Variants in ITCH observed in about 807,000 individuals in gnomAD.
The protein encoded by ITCH is E3 ubiquitin-protein ligase Itchy homolog.
ITCH carries 28 observed loss-of-function variants against 126.8 expected under a neutral mutation model. The observed-to-expected ratio is 0.22, with a 90% confidence interval of 0.16 to 0.30. The LOEUF is 0.30. Ranked by LOEUF, ITCH falls within the 10% of genes least tolerant of loss-of-function variation. ITCH has a pLI of 1.00. For missense variants in ITCH, 631 were observed against 1,032.4 expected, an observed-to-expected ratio of 0.61 and a Z score of 5.33; for synonymous variants, 342 against 340.0, an observed-to-expected ratio of 1.01 and a Z score of -0.06.
At chr20:34,407,740 A>G (rs1267935503) in intron 3 of ITCH, among the ~76,000 whole-genome samples, 1 of 151,928 alleles carries the variant, frequency 6.6e-6, no homozygotes, top group Non-Finnish European at 1.5e-5. Flanking sequence ...GCTCCTTGTC[A>G]TTTGGATGGT....
At chr20:34,400,455 C>T (rs1037431853) in intron 3 of ITCH, among the ~76,000 whole-genome samples, 2 of 151,948 alleles carry the variant, frequency 1.3e-5, no homozygotes, top group Non-Finnish European at 2.9e-5. Flanking sequence ...AGAGAGTACA[C>T]AAAACTTGCC....
In ITCH at chr20:34,502,035, G is replaced by A. The variant is rs565405587; in HGVS notation, c.2417-2296G>A. Among the ~76,000 whole-genome samples the A allele has an allele frequency of 3.4e-4, 52 of 152,110 alleles. No homozygotes were observed. In the South Asian group the frequency reaches 3.9e-3, roughly 12 times the overall value. On this transcript the variant is annotated intron_variant, in intron 23 of 24. Coordinates refer to ENST00000374864, the MANE Select transcript of ITCH (RefSeq NM_031483.7). ...AGGCTCTAACATGTAAAAAAGCCTC[G>A]GAGACCATAACATTTGAAAGGTGGC...
At chr20:34,492,116 A>C (rs943212012) in intron 22 of ITCH, among the ~76,000 whole-genome samples, 16 of 152,194 alleles carry the variant, frequency 1.1e-4, no homozygotes, top group African/African-American at 2.9e-4. Context: ...TATCCCTTTA[A>C]GTATATTGTC....
Position 34,467,721 on chromosome 20 carries a change from T to C in ITCH, c.1425-2327T>C, listed in dbSNP as rs1043941234. On this transcript the variant is annotated intron_variant, in intron 14 of 24. Coordinates refer to ENST00000374864, the MANE Select transcript of ITCH (RefSeq NM_031483.7). Reference sequence around the variant, plus strand: ...TTTTTTTGAGACGGAGTTTCACTCTTGTTGCCCAGGCTGGAGTGCAATAGC... The same window carrying C: ...TTTTTTTGAGACGGAGTTTCACTCTCGTTGCCCAGGCTGGAGTGCAATAGC... Among the ~76,000 whole-genome samples, 5 of 149,480 alleles carry C rather than the reference T, an allele frequency of 3.3e-5. No homozygotes were observed. The East Asian group carries it at 7.8e-4, about 23-fold the overall frequency.
chr20:34,375,043 ATTT>A (rs761979154), intron 2 of ITCH, among the ~76,000 whole-genome samples: 1 of 95,158 alleles, frequency 1.1e-5, no homozygotes. Context: ...GCCTGGCGTG[ATTT>A]TTTTTTTTTT....
chr20:34,436,363 A>G (rs561923439), intron 7 of ITCH, among the ~76,000 whole-genome samples: 13 of 152,304 alleles, frequency 8.5e-5, no homozygotes, highest in South Asian at 2.1e-4. Context: ...TTTTTGGTCT[A>G]TTCTACTCAT....
chr20:34,442,516 T>G (rs1291444563), intron 10 of ITCH, among the ~76,000 whole-genome samples: 1 of 152,170 alleles, frequency 6.6e-6, no homozygotes, highest in Non-Finnish European at 1.5e-5. Flanking sequence ...CATATTTCTT[T>G]CTTCTTTTCT....
intron 20 of ITCH, among the ~76,000 whole-genome samples, chr20:34,484,531 T>C (rs1988977614): frequency 6.6e-6 from 1 of 152,264 alleles, no homozygotes. Flanking sequence ...ATATATAGCA[T>C]TCCAGAGAGG....
intron 23 of ITCH, among the ~76,000 whole-genome samples, chr20:34,493,937 G>A (rs1224626279): frequency 6.6e-6 from 1 of 152,200 alleles, no homozygotes; most frequent in Non-Finnish European, 1.5e-5. Context: ...TAAGACAGAA[G>A]GAGATAGCCT....
At position 34,379,800 on chromosome 20, in the gene ITCH, T is replaced by C. The variant is rs978549803; in HGVS notation, c.-22+10330T>C. On this transcript the variant is annotated intron_variant, in intron 2 of 24. Coordinates refer to ENST00000374864, the MANE Select transcript of ITCH (RefSeq NM_031483.7). Reference sequence around the variant, plus strand: ...TTTTAGTAGAGACAGGGTTTCACTGTGTTAGCCAGGATGGTCTCAATCTCC... The same window carrying C: ...TTTTAGTAGAGACAGGGTTTCACTGCGTTAGCCAGGATGGTCTCAATCTCC... Among the ~76,000 whole-genome samples the C allele has an allele frequency of 7.9e-5, 12 of 151,914 alleles. No individual in the cohort carries two copies. The East Asian group carries it at 2.3e-3, about 29-fold the overall frequency.
chr20:34,429,690 A>G (rs1055239247), intron 7 of ITCH, among the ~76,000 whole-genome samples: 1 of 152,200 alleles, frequency 6.6e-6, no homozygotes, highest in Non-Finnish European at 1.5e-5. Context: ...AGAATTTGCT[A>G]GAACTGTCAA....
intron 6 of ITCH, among the ~76,000 whole-genome samples, chr20:34,421,252 C>CTTCA (rs1980726433): frequency 6.6e-6 from 1 of 152,156 alleles, no homozygotes; most frequent in Non-Finnish European, 1.5e-5. Context: ...GTAGCTGGGA[C>CTTCA]TTCAGGTGCT....
chr20:34,390,513 C>T (rs949330368), intron 2 of ITCH, among the ~76,000 whole-genome samples: 10 of 141,558 alleles, frequency 7.1e-5, no homozygotes, highest in East Asian at 2.1e-4. Flanking sequence ...TGCAATGGCA[C>T]GATGTTGGTT....
Position 34,441,951 on chromosome 20 carries a change from G to T in ITCH, c.870-257G>T, listed in dbSNP as rs1205078233. 8 of 458,730 alleles carry T rather than the reference G, an allele frequency of 1.7e-5. No individual in the cohort carries two copies. In the East Asian group the frequency reaches 3.5e-4, roughly 20 times the overall value. 28.4% of individuals were successfully genotyped at this position (458,730 alleles called of 1,614,324 possible). A position where few individuals can be genotyped will look rare whatever the true frequency, so the allele number is the denominator to read the frequency against. On this transcript the variant is annotated intron_variant, in intron 9 of 24. Coordinates refer to ENST00000374864, the MANE Select transcript of ITCH (RefSeq NM_031483.7). ...GTGACTTCGGTATCCTAGGTAGACG[G>T]ACCTCAAGCCTCTTCAGGAATATGT...
chr20:34,435,761 G>A (rs893381347), intron 7 of ITCH, among the ~76,000 whole-genome samples: 2 of 152,158 alleles, frequency 1.3e-5, no homozygotes, highest in Non-Finnish European at 2.9e-5. Flanking sequence ...GGAAGCAGTT[G>A]GGCAAGGGTG....
intron 16 of ITCH, among the ~76,000 whole-genome samples, chr20:34,473,323 T>C (rs977900729): frequency 1.3e-5 from 2 of 152,224 alleles, no homozygotes; most frequent in African/African-American, 4.8e-5. Flanking sequence ...TTTTAACTTT[T>C]ATGGATTTAT....
At chr20:34,447,869 T>C (rs746857240) in intron 11 of ITCH, among the ~76,000 whole-genome samples, 2 of 152,136 alleles carry the variant, frequency 1.3e-5, no homozygotes, top group African/African-American at 4.8e-5. Context: ...GTTTCTGTAG[T>C]AGGCCGGTGA....
At chr20:34,368,590 CT>C (rs2037506154) in intron 1 of ITCH, among the ~76,000 whole-genome samples, 1 of 152,050 alleles carries the variant, frequency 6.6e-6, no homozygotes, top group Admixed American at 6.6e-5. Flanking sequence ...GGGAGGTTGG[CT>C]TTCAGCTAAA....
At chr20:34,394,817 A>G (rs1194714740) in intron 3 of ITCH, among the ~76,000 whole-genome samples, 1 of 152,128 alleles carries the variant, frequency 6.6e-6, no homozygotes, top group Non-Finnish European at 1.5e-5. Flanking sequence ...GGGATGGTAA[A>G]TGATTTTTAG....
Sources: allele counts gnomAD v4.1 joint callset (sites outside exome capture counted in the v4.1 genomes callset), GRCh38; gene constraint gnomAD v4.1.1; transcripts MANE v1.5; gene names NCBI Gene and HGNC (gene_info 2026-07-23, HGNC 2026-07-21).